LINGO2: variants seen among roughly 807,000 people sequenced by gnomAD.
LINGO2 encodes leucine-rich repeat and immunoglobulin-like domain-containing nogo receptor-interacting protein 2.
LINGO2 carries 14 observed loss-of-function variants against 30.6 expected under a neutral mutation model. The ratio of observed to expected loss-of-function variants is 0.46; its 90% CI spans 0.30 to 0.72. The LOEUF (loss-of-function observed/expected upper bound fraction) is 0.72, where lower values mean the gene tolerates loss of function less well. Among genes scored for constraint, LINGO2 ranks in the 30% least tolerant of loss-of-function variants. The probability of loss-of-function intolerance (pLI) is 0.07; values close to 1 mark genes in which losing one functional copy is unlikely to be tolerated. For missense variants in LINGO2, 729 were observed against 751.7 expected (o/e 0.97, Z 0.35); for synonymous variants, 317 against 288.5 (o/e 1.10, Z -1.00).
the LINGO2 span, among the ~76,000 whole-genome samples, chr9:28,835,053 G>A: frequency 6.6e-6 from 1 of 152,182 alleles, no homozygotes; most frequent in Non-Finnish European, 1.5e-5. Context: ...AGAAAGCAAA[G>A]CAAGAGTAGT....
intron 3 of LINGO2, among the ~76,000 whole-genome samples, chr9:28,362,433 G>C (rs2134514229): frequency 6.6e-6 from 1 of 151,122 alleles, no homozygotes; most frequent in Non-Finnish European, 1.5e-5. Context: ...AAGAAAAGAG[G>C]AACTTAGCCT....
intron 4 of LINGO2, among the ~76,000 whole-genome samples, chr9:28,048,598 T>C (rs1824529251): frequency 6.6e-6 from 1 of 150,890 alleles, no homozygotes. Context: ...TTAAGCATAA[T>C]AATTTATAGA....
At chr9:27,946,520 C>A (rs1375415366), downstream of LINGO2, among the ~76,000 whole-genome samples, 1 of 152,006 alleles carries the variant, frequency 6.6e-6, no homozygotes, top group South Asian at 2.1e-4. Context: ...AATCACAAAG[C>A]CCTCTTATTA....
At chr9:29,022,200 A>T in the LINGO2 span, among the ~76,000 whole-genome samples, 2 of 152,158 alleles carry the variant, frequency 1.3e-5, no homozygotes, top group Non-Finnish European at 2.9e-5. Context: ...TTGGATATGG[A>T]AGTATTTTGA....
At chr9:28,042,507 A>G (rs376842633) in intron 4 of LINGO2, among the ~76,000 whole-genome samples, 1 of 152,188 alleles carries the variant, frequency 6.6e-6, no homozygotes, top group Non-Finnish European at 1.5e-5. Context: ...TAGAGAAGCT[A>G]TAGAAGAGGA....
chr9:28,990,023 G>C, the LINGO2 span, among the ~76,000 whole-genome samples: 1 of 152,170 alleles, frequency 6.6e-6, no homozygotes, highest in Admixed American at 6.5e-5. Flanking sequence ...TCTCACTAGG[G>C]AGCACCAGAC....
chr9:28,695,593 G>A, the LINGO2 span, among the ~76,000 whole-genome samples: 11 of 151,892 alleles, frequency 7.2e-5, no homozygotes, highest in East Asian at 2.1e-3. Flanking sequence ...CTTGTAAATA[G>A]AGATTTCTGG....
intron 4 of LINGO2, among the ~76,000 whole-genome samples, chr9:28,173,875 CAGG>C (rs1432481351): frequency 6.6e-6 from 1 of 152,090 alleles, no homozygotes; most frequent in African/African-American, 2.4e-5. Context: ...CATTTAAAGT[CAGG>C]AACCCTCAAC....
chr9:28,487,416 A>G (rs918391401), intron 1 of LINGO2, among the ~76,000 whole-genome samples: 1 of 152,146 alleles, frequency 6.6e-6, no homozygotes, highest in Non-Finnish European at 1.5e-5. Flanking sequence ...ATTGTTTTAG[A>G]AACAACTAAA....
the LINGO2 span, among the ~76,000 whole-genome samples, chr9:29,115,162 C>G: frequency 6.6e-6 from 1 of 151,552 alleles, no homozygotes; most frequent in Non-Finnish European, 1.5e-5. Flanking sequence ...GCTAAAACTA[C>G]CAAATATAAA....
the LINGO2 span, among the ~76,000 whole-genome samples, chr9:28,864,558 T>A: frequency 6.6e-6 from 1 of 152,122 alleles, no homozygotes; most frequent in African/African-American, 2.4e-5. Context: ...ATAATATCAA[T>A]CAAGTAATTC....
chr9:28,903,711 C>G, the LINGO2 span, among the ~76,000 whole-genome samples: 1 of 152,026 alleles, frequency 6.6e-6, no homozygotes, highest in South Asian at 2.1e-4. Flanking sequence ...CTGTTAGGCT[C>G]AAGCTATCCT....
the LINGO2 span, among the ~76,000 whole-genome samples, chr9:29,013,576 TA>T: frequency 6.6e-6 from 1 of 152,120 alleles, no homozygotes; most frequent in African/African-American, 2.4e-5. Context: ...CTTTGAAACA[TA>T]ATACTATGAG....
chr9:28,524,939 T>C (rs1429666175), intron 1 of LINGO2, among the ~76,000 whole-genome samples: 1 of 152,072 alleles, frequency 6.6e-6, no homozygotes. Context: ...AAAATATACT[T>C]AACATGATTA....
intron 3 of LINGO2, among the ~76,000 whole-genome samples, chr9:28,345,421 A>C (rs1324448354): frequency 6.6e-6 from 1 of 152,156 alleles, no homozygotes; most frequent in African/African-American, 2.4e-5. Flanking sequence ...ACTAGTACAC[A>C]TCAAACTGCT....
chr9:28,057,638 T>A (rs1180379673), intron 4 of LINGO2, among the ~76,000 whole-genome samples: 2 of 149,482 alleles, frequency 1.3e-5, no homozygotes, highest in African/African-American at 4.9e-5. Flanking sequence ...CACACATATA[T>A]AAACCTGTTC....
At chr9:28,696,023 C>T in the LINGO2 span, among the ~76,000 whole-genome samples, 2 of 151,820 alleles carry the variant, frequency 1.3e-5, no homozygotes, top group Non-Finnish European at 2.9e-5. Flanking sequence ...GAAACCGTTT[C>T]CTTACTTTTT....
chr9:28,079,462 G>C (rs1825715072), intron 4 of LINGO2, among the ~76,000 whole-genome samples: 1 of 152,136 alleles, frequency 6.6e-6, no homozygotes, highest in African/African-American at 2.4e-5. Context: ...AACTAACAAT[G>C]CTCTTTACCT....
chr9:28,836,739 C>G, the LINGO2 span, among the ~76,000 whole-genome samples: 1 of 152,102 alleles, frequency 6.6e-6, no homozygotes, highest in Non-Finnish European at 1.5e-5. Context: ...TCTTAAACTT[C>G]TAATTTTAGC....
Sources: allele counts gnomAD v4.1 joint callset (sites outside exome capture counted in the v4.1 genomes callset), GRCh38; gene constraint gnomAD v4.1.1; transcripts MANE v1.5; gene names NCBI Gene and HGNC (gene_info 2026-07-23, HGNC 2026-07-21).